The following NCAM1 variants were observed in gnomAD, a reference collection of about 807,000 sequenced individuals.
The protein encoded by NCAM1 is neural cell adhesion molecule 1.
Under a neutral mutation model 109.8 loss-of-function variants are expected in NCAM1, and 14 were observed. The observed-to-expected ratio is 0.13, with a 90% CI of 0.08 to 0.20. The LOEUF (loss-of-function observed/expected upper bound fraction) is 0.20. Among genes scored for constraint, NCAM1 ranks in the 10% least tolerant of loss-of-function variants. The pLI is 1.00. For synonymous variants in NCAM1, 418 were observed against 442.9 expected, an observed-to-expected ratio of 0.94 and a Z score of 0.70; for missense variants, 774 against 1,109.9, an observed-to-expected ratio of 0.70 and a Z score of 4.30.
At chr11:113,205,017 A>T (rs782697824) in intron 3 of NCAM1, among the ~76,000 whole-genome samples, 4 of 152,150 alleles carry the variant, frequency 2.6e-5, no homozygotes, top group African/African-American at 9.7e-5. Context: ...CAGCTAATGG[A>T]ACAGTATTGA....
At chr11:113,056,003 AT>A (rs1953693869) in intron 1 of NCAM1, among the ~76,000 whole-genome samples, 1 of 119,304 alleles carries the variant, frequency 8.4e-6, no homozygotes, top group Admixed American at 8.3e-5. Context: ...ATATATATAT[AT>A]ATATATATAT....
At position 113,135,452 on chromosome 11, in the gene NCAM1, T is replaced by C. The variant is rs181808093; in HGVS notation, c.53-66927T>C. 2.2e-4 allele frequency among the ~76,000 whole-genome samples: 34 copies of C among 152,206 alleles called. No individual in the cohort carries two copies. In the South Asian group the frequency reaches 5.2e-3, roughly 23 times the overall value. Reference sequence around the variant, plus strand: ...TGGGAAGTGCGATGTGTTGAGCCCTTGTGAGGCTCCAGAGCAAGATAAAGA... The same window carrying C: ...TGGGAAGTGCGATGTGTTGAGCCCTCGTGAGGCTCCAGAGCAAGATAAAGA... On this transcript the variant is annotated intron_variant, in intron 1 of 19. Coordinates refer to ENST00000316851, the MANE Select transcript of NCAM1 (RefSeq NM_181351.5).
chr11:113,189,437 G>A (rs1476157378), intron 1 of NCAM1, among the ~76,000 whole-genome samples: 2 of 127,254 alleles, frequency 1.6e-5, no homozygotes, highest in African/African-American at 6.1e-5. Context: ...GTGACAGAGC[G>A]AGATTCTGTC....
chr11:113,102,396 C>T (rs1312727474), intron 1 of NCAM1, among the ~76,000 whole-genome samples: 2 of 152,190 alleles, frequency 1.3e-5, no homozygotes, highest in Non-Finnish European at 1.5e-5. Flanking sequence ...CCATAGGAAA[C>T]TTGAAATCAA....
intron 15 of NCAM1, among the ~76,000 whole-genome samples, chr11:113,246,934 T>C (rs1945517045): frequency 6.6e-6 from 1 of 152,158 alleles, no homozygotes; most frequent in African/African-American, 2.4e-5. Flanking sequence ...ATTAGAGCAG[T>C]TTGGCTGTGA....
At chr11:113,018,738 A>AT (rs1400005766) in intron 1 of NCAM1, among the ~76,000 whole-genome samples, 3 of 152,168 alleles carry the variant, frequency 2.0e-5, no homozygotes, top group East Asian at 3.9e-4. Flanking sequence ...TTGGTTTTTA[A>AT]TTTTTTTAAG....
chr11:113,225,607 GACAACTCCAAGACACTTAATTGT>G (rs532764091), intron 9 of NCAM1, among the ~76,000 whole-genome samples: 5,071 of 152,158 alleles, frequency 0.033, 296 homozygotes, highest in African/African-American at 0.12. Flanking sequence ...CCTTGAGAAG[GACAACTCCAAGACACTTAATTGT>G]CAGATTCACC....
Position 113,069,434 on chromosome 11 carries a change from A to G in NCAM1, c.52+107770A>G, listed in dbSNP as rs147050350. Reference sequence around the variant, plus strand: ...TCAGTGACAGGGCAAGGGGTGTTGTAGGAGTTTGGACTGTGACATACTGAT... The same window carrying G: ...TCAGTGACAGGGCAAGGGGTGTTGTGGGAGTTTGGACTGTGACATACTGAT... On this transcript the variant is annotated intron_variant, in intron 1 of 19. Coordinates refer to ENST00000316851, the MANE Select transcript of NCAM1 (RefSeq NM_181351.5). Among the ~76,000 whole-genome samples the G allele has an allele frequency of 1.2e-3, 178 of 152,254 alleles. 1 individual carries two copies. Among genetic ancestry groups the G allele is most frequent in the African/African-American group, 4.2e-3 (173 of 41,570 alleles).
chr11:113,191,067 A>T (rs1164216508), intron 1 of NCAM1, among the ~76,000 whole-genome samples: 1 of 152,218 alleles, frequency 6.6e-6, no homozygotes, highest in Admixed American at 6.5e-5. Context: ...TCCAGAACCC[A>T]AATTGGGGGA....
intron 3 of NCAM1, among the ~76,000 whole-genome samples, chr11:113,204,805 C>T (rs1156783325): frequency 6.6e-6 from 1 of 152,172 alleles, no homozygotes. Context: ...GCAATTTGGG[C>T]TCCTCTCCCT....
At chr11:112,969,809 A>G (rs990376810) in intron 1 of NCAM1, among the ~76,000 whole-genome samples, 2 of 152,192 alleles carry the variant, frequency 1.3e-5, no homozygotes, top group Non-Finnish European at 2.9e-5. Flanking sequence ...ATTTAAGGTT[A>G]CTATACTGAC....
At chr11:113,205,395 C>A in intron 3 of NCAM1, 128 bp from the exon 4 acceptor site, 7 of 1,244,058 alleles carry the variant, frequency 5.6e-6, no homozygotes, top group Non-Finnish European at 7.5e-6. Context: ...GAGGGTGCCC[C>A]TCTTATACAA....
intron 1 of NCAM1, among the ~76,000 whole-genome samples, chr11:113,000,477 G>C (rs749599204): frequency 5.5e-4 from 84 of 152,224 alleles, no homozygotes; most frequent in Non-Finnish European, 1.1e-3. Flanking sequence ...TTATTATTAT[G>C]TCATCCTAAA....
chr11:113,036,109 C>A (rs7935937), intron 1 of NCAM1, among the ~76,000 whole-genome samples: 1,522 of 152,070 alleles, frequency 0.01, 25 homozygotes, highest in African/African-American at 0.034. Context: ...AGTCCCCACC[C>A]GGGCTCTTCC....
intron 1 of NCAM1, among the ~76,000 whole-genome samples, chr11:113,096,485 G>C: frequency 6.6e-6 from 1 of 152,106 alleles, no homozygotes; most frequent in East Asian, 1.9e-4. Context: ...GGTTAATGCG[G>C]ACAGTGGGTT....
intron 1 of NCAM1, among the ~76,000 whole-genome samples, chr11:113,113,665 C>T (rs576631893): frequency 3.3e-5 from 5 of 152,090 alleles, no homozygotes; most frequent in East Asian, 1.9e-4. Flanking sequence ...CTTTTGTTGT[C>T]GTTGCTTGTT....
chr11:113,105,794 T>C (rs1940129168), intron 1 of NCAM1, among the ~76,000 whole-genome samples: 1 of 152,158 alleles, frequency 6.6e-6, no homozygotes, highest in Non-Finnish European at 1.5e-5. Context: ...CTAAGAGGTG[T>C]GTTATGGGAT....
intron 1 of NCAM1, among the ~76,000 whole-genome samples, chr11:113,060,128 T>C (rs1445746008): frequency 6.6e-6 from 1 of 152,242 alleles, no homozygotes; most frequent in Non-Finnish European, 1.5e-5. Flanking sequence ...AATATTTGTC[T>C]CTAGGTTTTG....
rs565233000 is a variant in NCAM1, at chr11:113,043,328, T to TTTTA, written c.52+81684_52+81687dup. On this transcript the variant is annotated intron_variant, in intron 1 of 19. Coordinates refer to ENST00000316851, the MANE Select transcript of NCAM1 (RefSeq NM_181351.5). Reference sequence around the variant, plus strand: ...CTGTGTCCCTATTGAAATCCTACCTTTTTATTTATTTATTTATTTATTTTT... The same window carrying TTTTA: ...CTGTGTCCCTATTGAAATCCTACCTTTTTATTTATTTATTTATTTATTTATTTTT... Among the ~76,000 whole-genome samples, 265 of 152,142 alleles carry TTTTA rather than the reference T, an allele frequency of 1.7e-3. 1 individual carries two copies. The highest frequency in any genetic ancestry group is 3.3e-3 in the East Asian group (17 of 5,174).
Sources: gnomAD v4.1 joint callset for allele counts (sites outside exome capture counted in the v4.1 genomes callset) on GRCh38, gnomAD v4.1.1 for gene constraint, MANE v1.5 for transcripts, NCBI Gene and HGNC (gene_info 2026-07-23, HGNC 2026-07-21) for gene names.